AOPEP: variants seen among roughly 807,000 people sequenced by gnomAD.
AOPEP encodes aminopeptidase O.
Under a neutral mutation model 98.1 loss-of-function variants are expected in AOPEP, and 77 were observed. That is an observed-to-expected ratio of 0.78 (90% CI 0.65 to 0.95). The LOEUF is 0.95. Among genes scored for constraint, AOPEP ranks in the 40% least tolerant of loss-of-function variants. AOPEP has a pLI of 0.00. For missense variants in AOPEP, 1,024 were observed against 1,024.7 expected (o/e 1.00, Z 0.01); for synonymous variants, 346 against 365.3 (o/e 0.95, Z 0.60).
intron 13 of AOPEP, among the ~76,000 whole-genome samples, chr9:95,039,490 G>A (rs559021894): frequency 5.5e-4 from 84 of 152,236 alleles, no homozygotes; most frequent in South Asian, 1.5e-3. Flanking sequence ...GAGGATCACC[G>A]GAGCCCCAAG....
At chr9:94,907,117 GAA>G (rs1052383263) in intron 5 of AOPEP, among the ~76,000 whole-genome samples, 2 of 152,102 alleles carry the variant, frequency 1.3e-5, no homozygotes, top group Non-Finnish European at 2.9e-5. Flanking sequence ...GAGATTCAAT[GAA>G]AAAGAGAGGA....
Position 94,969,196 on chromosome 9 carries a change from G to A in AOPEP, c.1916+1395G>A, listed in dbSNP as rs1331223066. 2.0e-5 allele frequency among the ~76,000 whole-genome samples: 3 copies of A among 151,972 alleles called. No homozygotes were observed. In the East Asian group the frequency reaches 5.8e-4, roughly 29 times the overall value. ...AATTAGGCCCATCTGGATCTGGCCC[G>A]TGTTTTTTCAGTACACTGCTCAGCA... On this transcript the variant is annotated intron_variant, in intron 10 of 16. Transcript: ENST00000375315.
chr9:94,999,188 C>G lies in AOPEP; in HGVS notation c.1978-5970C>G, dbSNP rs137899050. ...ACCCAGAATACTTTATTGAGTTATC[C>G]TCTTCCCTGTCCAAAATGGAGTGAA... On this transcript the variant is annotated intron_variant, in intron 11 of 16. Transcript: ENST00000375315. 5.7e-3 allele frequency among the ~76,000 whole-genome samples: 859 copies of G among 151,958 alleles called. 11 individuals carry two copies. The highest frequency in any genetic ancestry group is 0.034 in the Middle Eastern group (10 of 294).
chr9:95,043,077 G>A (rs1171484928), intron 13 of AOPEP, among the ~76,000 whole-genome samples: 3 of 151,338 alleles, frequency 2.0e-5, no homozygotes, highest in African/African-American at 4.9e-5. Flanking sequence ...GTTCGAGATC[G>A]GCCTGGGCAA....
chr9:94,865,498 G>C (rs2045605645), intron 5 of AOPEP, among the ~76,000 whole-genome samples: 1 of 152,172 alleles, frequency 6.6e-6, no homozygotes. Flanking sequence ...CTGCATTTCA[G>C]TCCATAGGCA....
chr9:95,135,874 T>C, the AOPEP span, among the ~76,000 whole-genome samples: 1 of 152,154 alleles, frequency 6.6e-6, no homozygotes, highest in Non-Finnish European at 1.5e-5. Context: ...TAATCATGCC[T>C]CACAATAGGG....
chr9:94,861,100 G>C (rs761379657), intron 5 of AOPEP, among the ~76,000 whole-genome samples: 1 of 152,204 alleles, frequency 6.6e-6, no homozygotes, highest in Non-Finnish European at 1.5e-5. Flanking sequence ...ATCTGCTTCA[G>C]AGGGGCTGAT....
chr9:94,967,859 C>A, intron 10 of AOPEP, 58 bp downstream of exon 10: 1 of 1,394,002 alleles, frequency 7.2e-7, no homozygotes, highest in Non-Finnish European at 1.0e-6. Flanking sequence ...TTAAAAATGA[C>A]ATTGCCATTG....
At chr9:94,777,569 G>A (rs977358042) in intron 3 of AOPEP, among the ~76,000 whole-genome samples, 2 of 150,930 alleles carry the variant, frequency 1.3e-5, no homozygotes, top group South Asian at 2.1e-4. Context: ...CACATATACC[G>A]GATGTATTTG....
At chr9:94,887,583 G>A (rs1360686644) in intron 5 of AOPEP, among the ~76,000 whole-genome samples, 1 of 152,054 alleles carries the variant, frequency 6.6e-6, no homozygotes, top group Non-Finnish European at 1.5e-5. Flanking sequence ...AAACTCTAAA[G>A]TGCTAAACCT....
At chr9:95,064,317 CG>C (rs1399034930) in intron 14 of AOPEP, among the ~76,000 whole-genome samples, 1 of 152,208 alleles carries the variant, frequency 6.6e-6, no homozygotes, top group Non-Finnish European at 1.5e-5. Flanking sequence ...ATGTTTGAGA[CG>C]GAGTCTCGCT....
chr9:94,970,581 A>G (rs2059475325), intron 10 of AOPEP, among the ~76,000 whole-genome samples: 1 of 151,648 alleles, frequency 6.6e-6, no homozygotes. Context: ...GAAATTGGCC[A>G]AGATTTCCAA....
the AOPEP span, among the ~76,000 whole-genome samples, chr9:95,134,261 A>C: frequency 5.3e-5 from 8 of 152,224 alleles, no homozygotes; most frequent in African/African-American, 1.9e-4. Flanking sequence ...CCAACTAGAA[A>C]GAGAAAGAAA....
rs75267260 is a variant in AOPEP at position 94,945,418 on chromosome 9, T to C, written c.1662-9759T>C. On this transcript the variant is annotated intron_variant, in intron 7 of 16. Coordinates refer to ENST00000375315, the MANE Select transcript of AOPEP (RefSeq NM_001193329.3). ...TTTTTTGCTTTCATAAACAATGCTATGGTGAATGGTCTCACACTTACTGTT... is the reference window on the plus strand; with the variant it reads ...TTTTTTGCTTTCATAAACAATGCTACGGTGAATGGTCTCACACTTACTGTT... Among the ~76,000 whole-genome samples the C allele has an allele frequency of 3.2e-4, 48 of 152,332 alleles. No individual in the cohort carries two copies. In the East Asian group the frequency reaches 8.3e-3, roughly 26 times the overall value.
intron 14 of AOPEP, among the ~76,000 whole-genome samples, chr9:95,074,663 G>T (rs1264309565): frequency 1.3e-5 from 2 of 152,244 alleles, no homozygotes; most frequent in Non-Finnish European, 2.9e-5. Flanking sequence ...GTGCACACCT[G>T]TGTGTTGTGC....
At chr9:95,085,050 C>G (rs1470553426) in intron 16 of AOPEP, among the ~76,000 whole-genome samples, 1 of 152,178 alleles carries the variant, frequency 6.6e-6, no homozygotes, top group South Asian at 2.1e-4. Context: ...CTCTGGAGTC[C>G]CTTTGATTCA....
intron 7 of AOPEP, among the ~76,000 whole-genome samples, chr9:94,938,372 A>G (rs1273540987): frequency 6.6e-6 from 1 of 152,204 alleles, no homozygotes; most frequent in Non-Finnish European, 1.5e-5. Context: ...GAGAGCTGAA[A>G]TACTGGTCCC....
intron 11 of AOPEP, among the ~76,000 whole-genome samples, chr9:94,983,802 A>G (rs931300287): frequency 1.3e-5 from 2 of 150,660 alleles, no homozygotes; most frequent in African/African-American, 4.9e-5. Flanking sequence ...ATACATCACA[A>G]CCTGCCTTAC....
intron 5 of AOPEP, among the ~76,000 whole-genome samples, chr9:94,877,386 A>G (rs1335042282): frequency 1.3e-5 from 2 of 150,838 alleles, no homozygotes; most frequent in Admixed American, 6.6e-5. Context: ...GTATAGCCAC[A>G]TTTAGTAAAA....
Sources: allele counts gnomAD v4.1 joint callset (sites outside exome capture counted in the v4.1 genomes callset), GRCh38; gene constraint gnomAD v4.1.1; transcripts MANE v1.5; gene names NCBI Gene and HGNC (gene_info 2026-07-23, HGNC 2026-07-21).